The following AHI1 variants were observed in gnomAD, a reference collection of about 807,000 sequenced individuals.
AHI1 encodes jouberin.
AHI1 carries 123 observed loss-of-function variants against 149.3 expected under a neutral mutation model. The ratio of observed to expected loss-of-function variants is 0.82; its 90% CI spans 0.71 to 0.96. AHI1 has a LOEUF of 0.96. Among genes scored for constraint, AHI1 ranks in the 40% least tolerant of loss-of-function variants. The probability of loss-of-function intolerance (pLI) is 0.00; values close to 1 mark genes in which losing one functional copy is unlikely to be tolerated. For missense variants in AHI1, 1,439 were observed against 1,422.7 expected (o/e 1.01, Z -0.18); for synonymous variants, 475 against 459.8 (o/e 1.03, Z -0.42).
chr6:135,401,442 T>C (rs1278399576), intron 22 of AHI1, among the ~76,000 whole-genome samples: 1 of 152,072 alleles, frequency 6.6e-6, no homozygotes, highest in Non-Finnish European at 1.5e-5. Context: ...TTCAACAATA[T>C]AAAAATACTG....
intron 15 of AHI1, among the ~76,000 whole-genome samples, chr6:135,435,627 C>T (rs1230951451): frequency 6.6e-6 from 1 of 152,080 alleles, no homozygotes; most frequent in Non-Finnish European, 1.5e-5. Flanking sequence ...GCCTGTTAGG[C>T]CATGCTAAGG....
intron 8 of AHI1, 83 bp downstream of exon 8, chr6:135,463,042 A>C: frequency 2.9e-6 from 3 of 1,051,560 alleles, no homozygotes; most frequent in Non-Finnish European, 4.0e-6. Flanking sequence ...AAGTATACCC[A>C]TCAGTTTTAA....
At chr6:135,386,589 T>C (rs144636607) in intron 23 of AHI1, among the ~76,000 whole-genome samples, 1,733 of 152,070 alleles carry the variant, frequency 0.011, 36 homozygotes, top group African/African-American at 0.039. Context: ...GGATTACAGG[T>C]GTGAGCCACC....
rs139848830 is a variant in AHI1, at chr6:135,393,554, G to A, written c.3109+1222C>T. 4.7e-3 allele frequency among the ~76,000 whole-genome samples: 721 copies of A among 152,134 alleles called. 3 individuals are homozygous for A. Among genetic ancestry groups the A allele is most frequent in the Middle Eastern group, 0.01 (3 of 294 alleles). On this transcript the variant is annotated intron_variant, in intron 23 of 28. Transcript: ENST00000265602. ...ATAATCTAAAGAAGTAGTACATGAC[G>A]CAGCTCCACTGGAAATAACAATAGC...
chr6:135,352,853 C>A (rs1792370378), intron 24 of AHI1, among the ~76,000 whole-genome samples: 1 of 143,698 alleles, frequency 7.0e-6, no homozygotes, highest in Non-Finnish European at 1.5e-5. Flanking sequence ...CATAGTATTT[C>A]CATACCTCAC....
chr6:135,410,197 T>C (rs541154955), intron 21 of AHI1, among the ~76,000 whole-genome samples: 69 of 152,052 alleles, frequency 4.5e-4, no homozygotes, highest in Non-Finnish European at 7.9e-4. Context: ...CAAGACCCTG[T>C]CTCTACAAAA....
chr6:135,464,460 C>T (rs554097902), intron 7 of AHI1, among the ~76,000 whole-genome samples: 4 of 152,148 alleles, frequency 2.6e-5, no homozygotes, highest in Non-Finnish European at 4.4e-5. Flanking sequence ...TACTGATCCC[C>T]ACCTCTTCAT....
chr6:135,404,281 G>A (rs1451077403), intron 22 of AHI1, among the ~76,000 whole-genome samples: 6 of 152,152 alleles, frequency 3.9e-5, no homozygotes, highest in African/African-American at 1.2e-4. Flanking sequence ...AACCTTGCTT[G>A]TAAAAGAGGA....
At position 135,472,454 on chromosome 6, in the gene AHI1, T is replaced by C. The variant is rs536685872; in HGVS notation, c.136-4820A>G. Among the ~76,000 whole-genome samples the C allele has an allele frequency of 1.0e-3, 157 of 152,350 alleles. 1 individual carries two copies. Among genetic ancestry groups the C allele is most frequent in the African/African-American group, 3.5e-3 (145 of 41,588 alleles). ...TACACCAATTAATAGATGTGAATTA[T>C]TTCCAGTTTTGTGCTAGTATTAGAT... is the stretch of plus-strand genomic sequence containing the variant. On this transcript the variant is annotated intron_variant, in intron 5 of 28. Coordinates refer to ENST00000265602, the MANE Select transcript of AHI1 (RefSeq NM_001134831.2).
At chr6:135,286,754 G>A (rs937294105) in intron 28 of AHI1, among the ~76,000 whole-genome samples, 6 of 152,134 alleles carry the variant, frequency 3.9e-5, no homozygotes, top group African/African-American at 1.4e-4. Context: ...GTTAAACAGA[G>A]CTACTCCAGG....
At chr6:135,413,753 C>T (rs1781945137) in intron 20 of AHI1, among the ~76,000 whole-genome samples, 1 of 150,940 alleles carries the variant, frequency 6.6e-6, no homozygotes, top group Admixed American at 6.6e-5. Flanking sequence ...AAAAAAATGC[C>T]ATTTACTATG....
chr6:135,424,852 C>T (rs963247919), intron 20 of AHI1, among the ~76,000 whole-genome samples: 7 of 151,732 alleles, frequency 4.6e-5, no homozygotes, highest in African/African-American at 1.7e-4. Context: ...TCCCTTAAGT[C>T]TTTTGTGTTT....
At chr6:135,447,745 C>A (rs1010423378) in intron 12 of AHI1, among the ~76,000 whole-genome samples, 1 of 152,160 alleles carries the variant, frequency 6.6e-6, no homozygotes, top group Admixed American at 6.5e-5. Flanking sequence ...TGGAAAACAG[C>A]AGCAGTAGAA....
At chr6:135,439,569 G>GA (rs931074824) in intron 14 of AHI1, among the ~76,000 whole-genome samples, 17 of 151,056 alleles carry the variant, frequency 1.1e-4, no homozygotes, top group South Asian at 4.2e-4. Context: ...AAAAAGGAAA[G>GA]AAAAAAAAAT....
At chr6:135,326,175 T>C (rs1029362774) in intron 24 of AHI1, among the ~76,000 whole-genome samples, 6 of 152,196 alleles carry the variant, frequency 3.9e-5, no homozygotes, top group Non-Finnish European at 7.3e-5. Flanking sequence ...TCAAAATTCA[T>C]AGGTTGAAGT....
At chr6:135,475,745 G>T (rs374212895) in intron 5 of AHI1, among the ~76,000 whole-genome samples, 4 of 152,218 alleles carry the variant, frequency 2.6e-5, no homozygotes. Flanking sequence ...CTTGCACCTG[G>T]TTTCTCCTGG....
chr6:135,481,621 A>G (rs1262565496), intron 5 of AHI1, among the ~76,000 whole-genome samples: 1 of 151,716 alleles, frequency 6.6e-6, no homozygotes, highest in East Asian at 1.9e-4. Flanking sequence ...TTTTTAAGTA[A>G]GAGAAAAATC....
At chr6:135,364,510 A>G (rs1360644606) in intron 23 of AHI1, among the ~76,000 whole-genome samples, 1 of 149,618 alleles carries the variant, frequency 6.7e-6, no homozygotes, top group Non-Finnish European at 1.5e-5. Flanking sequence ...CAGAGGCTGC[A>G]ATCTCAGCAC....
intron 23 of AHI1, among the ~76,000 whole-genome samples, chr6:135,373,475 C>T (rs565847097): frequency 2.0e-5 from 3 of 152,256 alleles, no homozygotes; most frequent in Non-Finnish European, 4.4e-5. Context: ...TTAAGCAATG[C>T]GTGACTATAC....
Sources: gnomAD v4.1 joint callset for allele counts (sites outside exome capture counted in the v4.1 genomes callset) on GRCh38, gnomAD v4.1.1 for gene constraint, MANE v1.5 for transcripts, NCBI Gene and HGNC (gene_info 2026-07-23, HGNC 2026-07-21) for gene names.